PIBF1: variants seen among roughly 807,000 people sequenced by gnomAD.
PIBF1 encodes progesterone-induced-blocking factor 1.
Under a neutral mutation model 112.5 loss-of-function variants are expected in PIBF1, and 90 were observed. That is an observed-to-expected ratio of 0.80 (90% CI 0.67 to 0.95). The LOEUF (loss-of-function observed/expected upper bound fraction) is 0.95, where lower values mean the gene tolerates loss of function less well. Ranked by LOEUF, PIBF1 falls within the 40% of genes least tolerant of loss-of-function variation. The probability of loss-of-function intolerance (pLI) is 0.00; values close to 1 mark genes in which losing one functional copy is unlikely to be tolerated. For missense variants in PIBF1, 915 were observed against 852.3 expected (o/e 1.07, Z -0.92); for synonymous variants, 301 against 288.6 (o/e 1.04, Z -0.44).
At chr13:72,870,619 T>C (rs2039121531) in intron 10 of PIBF1, among the ~76,000 whole-genome samples, 1 of 152,252 alleles carries the variant, frequency 6.6e-6, no homozygotes, top group East Asian at 1.9e-4. Flanking sequence ...GAAATACATA[T>C]ATACATATTT....
chr13:72,995,005 TAA>T (rs768667134), intron 16 of PIBF1, among the ~76,000 whole-genome samples: 27 of 152,170 alleles, frequency 1.8e-4, no homozygotes, highest in South Asian at 6.2e-4. Context: ...CTTAATATAA[TAA>T]AGAGGTTCTT....
intron 10 of PIBF1, among the ~76,000 whole-genome samples, chr13:72,870,881 A>T (rs1445644668): frequency 6.6e-6 from 1 of 151,914 alleles, no homozygotes; most frequent in Non-Finnish European, 1.5e-5. Context: ...GTACAAGTAG[A>T]TAGGAGATAA....
rs2036885493 is a variant in PIBF1, at chr13:72,827,725, G to C, written c.916-8G>C. 6.7e-7 allele frequency: 1 copy of C among 1,496,400 alleles called. No homozygotes were observed. Among genetic ancestry groups the C allele is most frequent in the Admixed American group, 2.0e-5 (1 of 49,388 alleles). 92.7% of individuals were successfully genotyped at this position (1,496,400 alleles called of 1,614,324 possible). On this transcript the variant is annotated splice_region_variant and splice_polypyrimidine_tract_variant and intron_variant, in intron 7 of 17. Coordinates refer to ENST00000326291, the MANE Select transcript of PIBF1 (RefSeq NM_006346.4). The stretch of plus-strand genomic sequence containing the variant: ...CTGTGGATACTTTTTGTTTCTACAT[G>C]TATGTAGGTAGTCACCTTAGAGCAA...
At chr13:72,871,368 C>A (rs2039158653) in intron 10 of PIBF1, among the ~76,000 whole-genome samples, 1 of 152,050 alleles carries the variant, frequency 6.6e-6, no homozygotes, top group Admixed American at 6.5e-5. Flanking sequence ...TGCAATGGCG[C>A]AATCTTGGCT....
chr13:72,796,317 G>C (rs1054634739), intron 4 of PIBF1, among the ~76,000 whole-genome samples: 4 of 152,172 alleles, frequency 2.6e-5, no homozygotes, highest in African/African-American at 9.6e-5. Flanking sequence ...GGATCTCAGA[G>C]TGGCGAGTGG....
At chr13:72,844,766 C>CGGATG (rs1371748602) in intron 9 of PIBF1, among the ~76,000 whole-genome samples, 2 of 104,540 alleles carry the variant, frequency 1.9e-5, no homozygotes, top group African/African-American at 7.1e-5. Context: ...CACACACACA[C>CGGATG]ACACACACAC....
Position 72,854,056 on chromosome 13 carries a change from G to A in PIBF1, c.1224-1G>A. On this transcript the variant is annotated splice_acceptor_variant, in intron 9 of 17. Transcript: ENST00000326291. LOFTEE classifies it high-confidence loss of function. ...AACTGAAATCCATGTTTAAAATTTA[G>A]AAATCTCCGAGAAGCAAGGGATAAT... 6.3e-7 allele frequency: 1 copy of A among 1,598,830 alleles called. No homozygotes were observed. Among genetic ancestry groups the A allele is most frequent in the Non-Finnish European group, 8.6e-7 (1 of 1,166,698 alleles).
Position 72,893,794 on chromosome 13 carries a change from C to G in PIBF1, c.1333C>G (p.Leu445Val), listed in dbSNP as rs1291113444. Reference protein sequence around the residue: ...HDQLLDRYRELQLSTESKVTE... With the variant: ...HDQLLDRYREVQLSTESKVTE... ...TTCTGCTTCTTTCAGGTACAGAGAA[C>G]TACAACTTAGTACAGAAAGCAAAGT... The change falls in exon 11 of 18, where the codon CTA (leucine) becomes GTA (valine). Residue 445 changes from leucine to valine, a missense_variant. By Grantham distance (32) the Leu-to-Val change is conservative. Transcript: ENST00000326291. The G allele has an allele frequency of 8.8e-6, 14 of 1,586,526 alleles. No homozygotes were observed. Among genetic ancestry groups the G allele is most frequent in the Non-Finnish European group, 1.2e-5 (14 of 1,166,376 alleles).
intron 10 of PIBF1, among the ~76,000 whole-genome samples, chr13:72,886,594 T>C (rs1381597001): frequency 6.6e-6 from 1 of 152,066 alleles, no homozygotes; most frequent in African/African-American, 2.4e-5. Context: ...CTTTATAAGA[T>C]GGCCAGATAT....
At chr13:72,919,920 A>G (rs1372347372) in intron 13 of PIBF1, among the ~76,000 whole-genome samples, 11 of 152,052 alleles carry the variant, frequency 7.2e-5, no homozygotes. Context: ...GCAGCAGTGA[A>G]CCGTGATTGT....
At chr13:72,889,050 AAAAAAG>A (rs2039962739) in intron 10 of PIBF1, among the ~76,000 whole-genome samples, 1 of 152,158 alleles carries the variant, frequency 6.6e-6, no homozygotes, top group South Asian at 2.1e-4. Context: ...AAATACAAAA[AAAAAAG>A]AAAAGAAGTC....
intron 10 of PIBF1, among the ~76,000 whole-genome samples, chr13:72,859,564 A>G (rs1309136414): frequency 6.6e-6 from 1 of 152,202 alleles, no homozygotes; most frequent in Non-Finnish European, 1.5e-5. Flanking sequence ...CAATAACAAC[A>G]AATTAATTGA....
chr13:72,787,591 G>A (rs1023046555), intron 2 of PIBF1, among the ~76,000 whole-genome samples: 1 of 152,158 alleles, frequency 6.6e-6, no homozygotes, highest in South Asian at 2.1e-4. Flanking sequence ...CTATCTGGTA[G>A]CATCCTCTCT....
intron 11 of PIBF1, among the ~76,000 whole-genome samples, chr13:72,903,586 C>T (rs2040581804): frequency 6.6e-6 from 1 of 152,136 alleles, no homozygotes; most frequent in Admixed American, 6.6e-5. Context: ...AGGAACCAAG[C>T]TTCTTTAGTT....
intron 14 of PIBF1, among the ~76,000 whole-genome samples, chr13:72,932,488 A>G (rs997593059): frequency 1.3e-5 from 2 of 152,318 alleles, no homozygotes; most frequent in Middle Eastern, 3.4e-3. Context: ...TGGGGTTGAC[A>G]CAGTGGTGTG....
chr13:72,826,658 G>A (rs1230225042), intron 6 of PIBF1, among the ~76,000 whole-genome samples: 2 of 151,914 alleles, frequency 1.3e-5, no homozygotes, highest in African/African-American at 4.8e-5. Flanking sequence ...TGAACTGAAA[G>A]CCTAGAGCCA....
chr13:72,918,973 G>A (rs939106436), intron 13 of PIBF1, among the ~76,000 whole-genome samples: 7 of 152,092 alleles, frequency 4.6e-5, no homozygotes, highest in African/African-American at 1.7e-4. Flanking sequence ...CAAAGTGCTG[G>A]GATTACAGGC....
intron 12 of PIBF1, among the ~76,000 whole-genome samples, chr13:72,915,167 A>G (rs991055005): frequency 5.3e-5 from 8 of 152,100 alleles, no homozygotes; most frequent in Non-Finnish European, 1.2e-4. Context: ...TATATATACC[A>G]TTTTATATAA....
chr13:72,811,307 G>A (rs1414881395), intron 5 of PIBF1, among the ~76,000 whole-genome samples: 1 of 151,998 alleles, frequency 6.6e-6, no homozygotes, highest in African/African-American at 2.4e-5. Context: ...TTCCTGATTT[G>A]AAATTTATAT....
Sources: allele counts gnomAD v4.1 joint callset (sites outside exome capture counted in the v4.1 genomes callset), GRCh38; gene constraint gnomAD v4.1.1; transcripts MANE v1.5; gene names NCBI Gene and HGNC (gene_info 2026-07-23, HGNC 2026-07-21).